DOCK1: variants seen among roughly 807,000 people sequenced by gnomAD.
The protein encoded by DOCK1 is dedicator of cytokinesis protein 1.
DOCK1 carries 138 observed loss-of-function variants against 262.7 expected under a neutral mutation model. The ratio of observed to expected loss-of-function variants is 0.53; its 90% CI spans 0.46 to 0.61. The LOEUF is 0.61. Among genes scored for constraint, DOCK1 ranks in the 20% least tolerant of loss-of-function variants. The pLI, the probability that DOCK1 is intolerant of heterozygous loss-of-function variation, is 0.00. For synonymous variants in DOCK1, 866 were observed against 867.4 expected, an observed-to-expected ratio of 1.00 and a Z score of 0.03; for missense variants, 1,908 against 2,370.7, an observed-to-expected ratio of 0.80 and a Z score of 4.05.
intron 17 of DOCK1, 36 bp from the exon 18 acceptor site, chr10:127,032,101 A>G (rs1564747795): frequency 6.4e-7 from 1 of 1,562,996 alleles, no homozygotes; most frequent in Admixed American, 1.9e-5. Flanking sequence ...GCTGTTTGTG[A>G]ATTGCCTTTG....
intron 1 of DOCK1, among the ~76,000 whole-genome samples, chr10:126,960,791 T>TAC (rs1176439067): frequency 0.015 from 2,128 of 140,770 alleles, 37 homozygotes; most frequent in African/African-American, 0.049. Flanking sequence ...TATGTGTATA[T>TAC]ACACACACAC....
At chr10:127,086,046 C>T (rs1358247233) in intron 23 of DOCK1, among the ~76,000 whole-genome samples, 1 of 152,136 alleles carries the variant, frequency 6.6e-6, no homozygotes, top group Non-Finnish European at 1.5e-5. Flanking sequence ...AGGCCAGATG[C>T]TATGGGAGGT....
At chr10:127,251,370 C>CTTTTTT (rs779699949) in intron 28 of DOCK1, among the ~76,000 whole-genome samples, 4 of 150,144 alleles carry the variant, frequency 2.7e-5, no homozygotes, top group Non-Finnish European at 5.9e-5. Flanking sequence ...AAACACTTTC[C>CTTTTTT]ATTTTTTTTT....
intron 27 of DOCK1, among the ~76,000 whole-genome samples, chr10:127,231,821 T>G (rs2058851608): frequency 6.6e-6 from 1 of 152,210 alleles, no homozygotes; most frequent in Non-Finnish European, 1.5e-5. Context: ...AATAGAAGAC[T>G]GAGTGCATTC....
At chr10:127,274,774 T>A (rs1331288419) in intron 29 of DOCK1, among the ~76,000 whole-genome samples, 2 of 152,302 alleles carry the variant, frequency 1.3e-5, no homozygotes, top group Middle Eastern at 3.4e-3. Context: ...CAACCCTGTT[T>A]ATTTTTTTTC....
rs943638715 is a variant in DOCK1, at chr10:127,448,844, C to T, written c.5565+1299C>T. Among the ~76,000 whole-genome samples the T allele has an allele frequency of 2.7e-5, 4 of 145,712 alleles. No homozygotes were observed. In the East Asian group the frequency reaches 6.0e-4, roughly 22 times the overall value. ...TCTTTAATAAACAATATAAATCCCA[C>T]GTGCCATTTCTTTTTCTTTTTTTTT... On this transcript the variant is annotated intron_variant, in intron 51 of 51. Transcript: ENST00000623213.
At chr10:126,963,653 TC>T (rs2037445414) in intron 1 of DOCK1, among the ~76,000 whole-genome samples, 4 of 91,754 alleles carry the variant, frequency 4.4e-5, no homozygotes, top group Non-Finnish European at 8.8e-5. Flanking sequence ...CTTCCTTCCT[TC>T]CTTCCTTCCT....
chr10:127,380,792 A>T (rs1284809356), intron 36 of DOCK1, among the ~76,000 whole-genome samples: 1 of 152,200 alleles, frequency 6.6e-6, no homozygotes, highest in African/African-American at 2.4e-5. Context: ...GTGATTGTCT[A>T]ATTTTCTATT....
intron 1 of DOCK1, among the ~76,000 whole-genome samples, chr10:126,949,236 C>G (rs958038895): frequency 1.3e-5 from 2 of 152,132 alleles, no homozygotes; most frequent in Non-Finnish European, 2.9e-5. Context: ...ACACACCCAG[C>G]TCCTGCTCTC....
At chr10:127,284,542 A>C (rs1020745267) in intron 29 of DOCK1, among the ~76,000 whole-genome samples, 1 of 152,228 alleles carries the variant, frequency 6.6e-6, no homozygotes, top group Non-Finnish European at 1.5e-5. Context: ...CTTCCAGTTA[A>C]GGTTTTAACA....
chr10:127,317,739 G>GT (rs2062347326), intron 29 of DOCK1, among the ~76,000 whole-genome samples: 1 of 152,162 alleles, frequency 6.6e-6, no homozygotes. Flanking sequence ...GAAACAGGAA[G>GT]TTTTTGAAAC....
intron 33 of DOCK1, among the ~76,000 whole-genome samples, chr10:127,366,310 C>A (rs769861228): frequency 6.6e-6 from 1 of 152,140 alleles, no homozygotes; most frequent in Non-Finnish European, 1.5e-5. Flanking sequence ...CAGTTTTCTT[C>A]TGTTTGATGT....
intron 29 of DOCK1, among the ~76,000 whole-genome samples, chr10:127,273,015 G>T (rs1183460792): frequency 6.6e-6 from 1 of 152,104 alleles, no homozygotes. Flanking sequence ...CCCACAACAC[G>T]TGGGAATTCA....
intron 27 of DOCK1, among the ~76,000 whole-genome samples, chr10:127,155,940 A>G (rs11016512): frequency 1.2e-3 from 185 of 152,132 alleles, no homozygotes; most frequent in Admixed American, 1.9e-3. Flanking sequence ...CTGCTCTACT[A>G]TTGTGTTGTG....
At chr10:127,068,404 C>T (rs1402324318) in intron 23 of DOCK1, among the ~76,000 whole-genome samples, 4 of 152,146 alleles carry the variant, frequency 2.6e-5, no homozygotes, top group African/African-American at 9.7e-5. Context: ...GAGGAAGTCA[C>T]GTTTCACTGA....
intron 35 of DOCK1, among the ~76,000 whole-genome samples, chr10:127,377,918 A>G (rs1010357169): frequency 2.6e-5 from 4 of 151,674 alleles, no homozygotes; most frequent in African/African-American, 7.3e-5. Context: ...AAGAAGAAAG[A>G]AAATGAAAAA....
At chr10:127,360,404 A>G (rs768840896) in intron 32 of DOCK1, among the ~76,000 whole-genome samples, 1 of 152,226 alleles carries the variant, frequency 6.6e-6, no homozygotes, top group Non-Finnish European at 1.5e-5. Flanking sequence ...CCCAGCTGCC[A>G]GCTGCTCTGC....
chr10:127,335,753 C>T (rs1303060187), intron 29 of DOCK1, among the ~76,000 whole-genome samples: 1 of 150,184 alleles, frequency 6.7e-6, no homozygotes, highest in African/African-American at 2.5e-5. Context: ...CTCACTCTGT[C>T]GCCTAGGCTG....
intron 14 of DOCK1, 92 bp downstream of exon 14, chr10:127,023,416 G>T (rs1035287369): frequency 6.6e-7 from 1 of 1,521,004 alleles, no homozygotes; most frequent in Non-Finnish European, 8.9e-7. Flanking sequence ...TGTCGTCAGG[G>T]TGGGGCTTTG....
Sources: gnomAD v4.1 joint callset for allele counts (sites outside exome capture counted in the v4.1 genomes callset) on GRCh38, gnomAD v4.1.1 for gene constraint, MANE v1.5 for transcripts, NCBI Gene and HGNC (gene_info 2026-07-23, HGNC 2026-07-21) for gene names.